The following SECISBP2L variants were observed in gnomAD, a reference collection of about 807,000 sequenced individuals.
The protein encoded by SECISBP2L is SECIS binding protein 2 like.
A neutral mutation model predicts 114.7 loss-of-function variants in SECISBP2L; 43 were observed. The observed-to-expected ratio is 0.38, with a 90% CI of 0.29 to 0.48. The LOEUF is 0.48. SECISBP2L is among the 20% of genes least tolerant of loss of function. The pLI is 0.98. For synonymous variants in SECISBP2L, 451 were observed against 439.7 expected, an observed-to-expected ratio of 1.03 and a Z score of -0.32; for missense variants, 1,136 against 1,301.1, an observed-to-expected ratio of 0.87 and a Z score of 1.95.
chr15:49,009,919 T>G (rs925426204), intron 13 of SECISBP2L, among the ~76,000 whole-genome samples: 2 of 151,838 alleles, frequency 1.3e-5, no homozygotes, highest in Non-Finnish European at 2.9e-5. Context: ...TTACTTGAGG[T>G]CCAGGGTTCA....
Position 49,033,028 on chromosome 15 carries a change from T to C in SECISBP2L, c.601A>G (p.Asn201Asp), listed in dbSNP as rs200133351. The C allele has an allele frequency of 9.4e-5, 152 of 1,614,036 alleles. 2 individuals carry two copies. The highest frequency in any genetic ancestry group is 3.3e-4 in the Middle Eastern group (2 of 6,084). The change falls in exon 4 of 18, where the codon AAT becomes GAT. Residue 201 changes from asparagine (N) to aspartate (D), a missense_variant. Transcript: ENST00000559471. ...GATCGACTATCAGGACCTGCTGCATTTGTTTCTTTCTGAGTAGCTACATTT... is the reference window on the plus strand; with the variant it reads ...GATCGACTATCAGGACCTGCTGCATCTGTTTCTTTCTGAGTAGCTACATTT... ...VKNVATQKET[N>D]AAGPDSRSKI...
chr15:49,043,309 G>C (rs1266247986), intron 1 of SECISBP2L, among the ~76,000 whole-genome samples: 1 of 151,970 alleles, frequency 6.6e-6, no homozygotes, highest in Non-Finnish European at 1.5e-5. Context: ...ATCCTGATTG[G>C]TAAAACGCAT....
At chr15:48,998,062 T>A (rs1188092662) in intron 16 of SECISBP2L, among the ~76,000 whole-genome samples, 1 of 152,196 alleles carries the variant, frequency 6.6e-6, no homozygotes, top group Non-Finnish European at 1.5e-5. Context: ...CAATGCAACA[T>A]ACTCACAACA....
intron 14 of SECISBP2L, among the ~76,000 whole-genome samples, chr15:49,006,689 T>C (rs142670462): frequency 6.6e-6 from 1 of 152,194 alleles, no homozygotes; most frequent in Non-Finnish European, 1.5e-5. Context: ...TGCATTGAAT[T>C]AGAACATACT....
intron 1 of SECISBP2L, among the ~76,000 whole-genome samples, chr15:49,041,364 G>A (rs926518282): frequency 6.6e-6 from 1 of 152,152 alleles, no homozygotes; most frequent in Non-Finnish European, 1.5e-5. Context: ...AAATGCCTTT[G>A]ATGTAAATAA....
In SECISBP2L at chr15:49,028,146, G is replaced by T. The variant is rs766019096; in HGVS notation, c.917C>A (p.Ala306Glu). The T allele has an allele frequency of 6.3e-7, 1 of 1,578,958 alleles. No homozygotes were observed. Among genetic ancestry groups the T allele is most frequent in the South Asian group, 1.2e-5 (1 of 86,050 alleles). The change falls in exon 6 of 18, where the codon GCA becomes GAA. Residue 306 changes from alanine to glutamate, a missense_variant and splice_region_variant. Transcript: ENST00000559471. ...TMNHVESSMCAGGVNWSNVTC... is the reference protein window; with the variant it reads ...TMNHVESSMCEGGVNWSNVTC... ...AACACAATGCAGAAAACAAGTACCT[G>T]CACACATAGATGATTCCACATGCTA...
chr15:49,014,249 C>T (rs927769618), intron 11 of SECISBP2L, among the ~76,000 whole-genome samples: 1 of 152,168 alleles, frequency 6.6e-6, no homozygotes, highest in African/African-American at 2.4e-5. Context: ...TAACATTACA[C>T]TCCTTTATTT....
intron 7 of SECISBP2L, among the ~76,000 whole-genome samples, chr15:49,021,890 A>G (rs141715031): frequency 3.9e-5 from 6 of 152,192 alleles, no homozygotes; most frequent in African/African-American, 1.4e-4. Context: ...TCTTCTAAGA[A>G]AGAGTTTTGT....
In SECISBP2L at chr15:49,035,361, G is replaced by T. The variant is rs1273839080; in HGVS notation, c.501C>A (p.Asn167Lys). Reference protein sequence around the residue: ...VFPLSSHRSRNSNRGSVVPKQ... With the variant: ...VFPLSSHRSRKSNRGSVVPKQ... ...TTGGGACCACTGATCCTCTGTTACTGTTTCTGCTTCGATGGCTGGACAATG... is the reference window on the plus strand; with the variant it reads ...TTGGGACCACTGATCCTCTGTTACTTTTTCTGCTTCGATGGCTGGACAATG... The change falls in exon 3 of 18, where the codon AAC becomes AAA. Residue 167 changes from asparagine (N) to lysine (K), a missense_variant. This residue lies in a region of SECISBP2L where 452 missense variants were observed against 452.3 expected (regional missense o/e 1.00). Transcript: ENST00000559471. The T allele has an allele frequency of 6.2e-7, 1 of 1,614,002 alleles. No homozygotes were observed. The highest frequency in any genetic ancestry group is 1.3e-5 in the African/African-American group (1 of 74,908).
At chr15:48,999,794 G>A in intron 16 of SECISBP2L, 39 bp downstream of exon 16, 1 of 1,598,222 alleles carries the variant, frequency 6.3e-7, no homozygotes, top group East Asian at 2.2e-5. Flanking sequence ...TCTGGGGGAT[G>A]TGCTGGAGAG....
At chr15:49,028,425 A>G (rs773742988) in intron 5 of SECISBP2L, 28 bp downstream of exon 5, 2 of 1,598,854 alleles carry the variant, frequency 1.3e-6, no homozygotes, top group South Asian at 1.1e-5. Flanking sequence ...TCAATGACCA[A>G]TAAAGAAATC....
intron 11 of SECISBP2L, among the ~76,000 whole-genome samples, chr15:49,014,265 ACT>A (rs1902494214): frequency 6.6e-6 from 1 of 151,478 alleles, no homozygotes; most frequent in East Asian, 1.9e-4. Context: ...TATTTTTCTT[ACT>A]CTTTCTCAAA....
chr15:49,029,839 T>C (rs184174505), intron 4 of SECISBP2L, among the ~76,000 whole-genome samples: 2 of 152,118 alleles, frequency 1.3e-5, no homozygotes, highest in East Asian at 3.9e-4. Context: ...CTGTTGGTTA[T>C]AAAATGGTGG....
intron 3 of SECISBP2L, among the ~76,000 whole-genome samples, chr15:49,034,959 GC>G (rs1302486476): frequency 6.6e-6 from 1 of 152,050 alleles, no homozygotes; most frequent in Non-Finnish European, 1.5e-5. Context: ...ACTACACCTG[GC>G]CCATTGAAAT....
chr15:49,009,070 C>A (rs983865002), intron 14 of SECISBP2L, 146 bp downstream of exon 14: 4 of 768,246 alleles, frequency 5.2e-6, no homozygotes, highest in Admixed American at 5.8e-5. Context: ...AATAATAAAC[C>A]CAGCTGTTAA....
At chr15:48,999,537 T>C (rs1444861711) in intron 16 of SECISBP2L, among the ~76,000 whole-genome samples, 2 of 152,160 alleles carry the variant, frequency 1.3e-5, no homozygotes, top group African/African-American at 2.4e-5. Flanking sequence ...TCAGATATCT[T>C]TAACCAGCAG....
At chr15:49,012,927 C>T (rs1902465839) in intron 11 of SECISBP2L, 110 bp from the exon 12 acceptor site, 2 of 1,056,724 alleles carry the variant, frequency 1.9e-6, no homozygotes, top group African/African-American at 1.6e-5. Context: ...GAAAAAACGA[C>T]ATCATAACAG....
Position 48,993,100 on chromosome 15 carries a change from AGTGTGTGTGTGTGT to A in SECISBP2L, c.2624-188_2624-175del, listed in dbSNP as rs71120653. On this transcript the variant is annotated intron_variant, in intron 17 of 17. Coordinates refer to ENST00000559471, the MANE Select transcript of SECISBP2L (RefSeq NM_001193489.2). ...TAGTACTAGTTTGAGACAGAGAGAGAGTGTGTGTGTGTGTGTGTGTGTGTGTGTGTGTGTGTGTG... is the reference window on the plus strand; with the variant it reads ...TAGTACTAGTTTGAGACAGAGAGAGAGTGTGTGTGTGTGTGTGTGTGTGTG... Among the ~76,000 whole-genome samples, 5 of 139,222 alleles carry A rather than the reference AGTGTGTGTGTGTGT, an allele frequency of 3.6e-5. No individual in the cohort carries two copies. The South Asian group carries it at 9.5e-4, about 26-fold the overall frequency. The allele number at this position is 139,222 out of a possible 152,430, so 91.3% of individuals were successfully genotyped here.
chr15:49,029,878 C>G (rs1453990438), intron 4 of SECISBP2L, among the ~76,000 whole-genome samples: 1 of 149,016 alleles, frequency 6.7e-6, no homozygotes, highest in African/African-American at 2.5e-5. Context: ...TTGTATGTAC[C>G]TGCTTAATAA....
Sources: gnomAD v4.1 joint callset for allele counts (sites outside exome capture counted in the v4.1 genomes callset) on GRCh38, gnomAD v4.1.1 for gene constraint, gnomAD v4.1.1 regional missense constraint, MANE v1.5 for transcripts, NCBI Gene and HGNC (gene_info 2026-07-23, HGNC 2026-07-21) for gene names.